FNDC3B: variants seen among roughly 807,000 people sequenced by gnomAD.
FNDC3B encodes the protein fibronectin type III domain containing 3B, also known as fibronectin type III domain-containing protein 3B.
Under a neutral mutation model 151.5 loss-of-function variants are expected in FNDC3B, and 12 were observed. The ratio of observed to expected loss-of-function variants is 0.08; its 90% confidence interval spans 0.05 to 0.13. FNDC3B has a LOEUF of 0.13. Ranked by LOEUF, FNDC3B falls within the 10% of genes least tolerant of loss-of-function variation. The pLI is 1.00. For missense variants in FNDC3B, 1,214 were observed against 1,505.3 expected, an observed-to-expected ratio of 0.81 and a Z score of 3.20; for synonymous variants, 528 against 549.0, an observed-to-expected ratio of 0.96 and a Z score of 0.54.
At chr3:172,326,006 A>G (rs1225572562) in intron 11 of FNDC3B, among the ~76,000 whole-genome samples, 2 of 152,074 alleles carry the variant, frequency 1.3e-5, no homozygotes, top group Admixed American at 1.3e-4. Flanking sequence ...TTGTATTTTT[A>G]GTAGAGACGG....
chr3:172,099,194 A>G lies in FNDC3B; in HGVS notation c.-28-13258A>G, dbSNP rs574678629. Among the ~76,000 whole-genome samples, 3 of 152,280 alleles carry G rather than the reference A, an allele frequency of 2.0e-5. No homozygotes were observed. The South Asian group carries it at 6.2e-4, about 32-fold the overall frequency. The stretch of plus-strand genomic sequence containing the variant: ...AGCTGTGGCATATTTTGATTTTGCT[A>G]ATTTGTTGCTCTAGGAACTGAATTT... On this transcript the variant is annotated intron_variant, in intron 1 of 25. Coordinates refer to ENST00000415807, the MANE Select transcript of FNDC3B (RefSeq NM_022763.4).
In FNDC3B at chr3:172,310,812, T is replaced by C; in HGVS notation, c.1201-16T>C. On this transcript the variant is annotated splice_polypyrimidine_tract_variant and intron_variant, in intron 10 of 25. Transcript: ENST00000415807. ...GTGAACAACTTTCTCTAATCTCATG[T>C]TACTATTTTTTTTAGGCACCAATTG... is the stretch of plus-strand genomic sequence containing the variant. The C allele has an allele frequency of 6.3e-7, 1 of 1,597,788 alleles. No homozygotes were observed. The highest frequency in any genetic ancestry group is 1.3e-5 in the African/African-American group (1 of 74,724).
chr3:172,135,255 ATGTGTGTGTG>A (rs144768382), intron 3 of FNDC3B, among the ~76,000 whole-genome samples: 1 of 150,256 alleles, frequency 6.7e-6, no homozygotes, highest in African/African-American at 2.4e-5. Context: ...GAGTGTGTGT[ATGTGTGTGTG>A]TGTGTGTATA....
At chr3:172,063,117 T>C (rs1717305237) in intron 1 of FNDC3B, among the ~76,000 whole-genome samples, 1 of 152,228 alleles carries the variant, frequency 6.6e-6, no homozygotes, top group Non-Finnish European at 1.5e-5. Flanking sequence ...TTTCGTTATA[T>C]ACTTTTGAAG....
chr3:172,212,603 T>A (rs940062120), intron 3 of FNDC3B, among the ~76,000 whole-genome samples: 9 of 152,198 alleles, frequency 5.9e-5, no homozygotes, highest in African/African-American at 2.2e-4. Flanking sequence ...TAACACCTGT[T>A]TTCTAGAATC....
At chr3:172,068,898 T>C (rs1359829881) in intron 1 of FNDC3B, among the ~76,000 whole-genome samples, 1 of 152,182 alleles carries the variant, frequency 6.6e-6, no homozygotes, top group Non-Finnish European at 1.5e-5. Flanking sequence ...ATTTCCACTT[T>C]GCCAGTGAAG....
intron 25 of FNDC3B, among the ~76,000 whole-genome samples, chr3:172,392,810 C>CTTTTTTTTTTTTTTTTTTTTTTTTTTT (rs1167627679): frequency 1.0e-5 from 1 of 99,872 alleles, no homozygotes; most frequent in Non-Finnish European, 1.9e-5. Flanking sequence ...TTTTTTTTTT[C>CTTTTTTTTTTTTTTTTTTTTTTTTTTT]TTTTTTTTTT....
At chr3:172,182,165 G>T (rs528267900) in intron 3 of FNDC3B, among the ~76,000 whole-genome samples, 1 of 152,284 alleles carries the variant, frequency 6.6e-6, no homozygotes, top group Admixed American at 6.5e-5. Flanking sequence ...AGGTAAGTTG[G>T]GAGAAATCCT....
intron 1 of FNDC3B, among the ~76,000 whole-genome samples, chr3:172,102,778 G>T (rs1719437756): frequency 6.6e-6 from 1 of 152,250 alleles, no homozygotes; most frequent in Non-Finnish European, 1.5e-5. Context: ...CCACCTCCCC[G>T]TGCAGATTAG....
intron 23 of FNDC3B, among the ~76,000 whole-genome samples, chr3:172,365,113 A>T (rs1009773652): frequency 1.2e-4 from 18 of 152,204 alleles, no homozygotes; most frequent in African/African-American, 4.3e-4. Context: ...ATCTTGGCAC[A>T]TGGGTATCAA....
chr3:172,117,723 G>A lies in FNDC3B; in HGVS notation c.111+5133G>A, dbSNP rs61153532. Reference sequence around the variant, plus strand: ...CTGAGGGTCAATTCCTAGTGGAACTGGATTGGATTAGATACCTCTTTGACC... The same window carrying A: ...CTGAGGGTCAATTCCTAGTGGAACTAGATTGGATTAGATACCTCTTTGACC... On this transcript the variant is annotated intron_variant, in intron 2 of 25. Transcript: ENST00000415807. Among the ~76,000 whole-genome samples, 437 of 152,298 alleles carry A rather than the reference G, an allele frequency of 2.9e-3. 4 individuals are homozygous for A. Among genetic ancestry groups the A allele is most frequent in the African/African-American group, 9.8e-3 (409 of 41,548 alleles).
chr3:172,057,484 C>T (rs1308279336), intron 1 of FNDC3B, among the ~76,000 whole-genome samples: 2 of 152,114 alleles, frequency 1.3e-5, no homozygotes, highest in South Asian at 4.1e-4. Flanking sequence ...CTAAACCTCA[C>T]CAACTTCTTG....
intron 4 of FNDC3B, among the ~76,000 whole-genome samples, chr3:172,245,476 A>G (rs1224137370): frequency 6.6e-6 from 1 of 151,774 alleles, no homozygotes; most frequent in African/African-American, 2.4e-5. Flanking sequence ...TTTTCTTAAT[A>G]GCTAGTAGAG....
At position 172,235,953 on chromosome 3, in the gene FNDC3B, G is replaced by A. The variant is rs143138042; in HGVS notation, c.264+9006G>A. Among the ~76,000 whole-genome samples the A allele has an allele frequency of 1.8e-3, 272 of 152,260 alleles. 2 individuals carry two copies. Among genetic ancestry groups the A allele is most frequent in the African/African-American group, 6.4e-3 (266 of 41,534 alleles). Reference sequence around the variant, plus strand: ...TGACTGGCCTTCCCTTCTGTGATGGGTAATGGACAGGTACTGCAGATGCCC... The same window carrying A: ...TGACTGGCCTTCCCTTCTGTGATGGATAATGGACAGGTACTGCAGATGCCC... On this transcript the variant is annotated intron_variant, in intron 4 of 25. Transcript: ENST00000415807.
intron 2 of FNDC3B, among the ~76,000 whole-genome samples, chr3:172,123,632 T>C (rs1720664295): frequency 6.6e-6 from 1 of 152,196 alleles, no homozygotes; most frequent in Non-Finnish European, 1.5e-5. Context: ...TAGGCCACAG[T>C]AATGCAGCTA....
chr3:172,214,565 AT>A (rs1192494277), intron 3 of FNDC3B, among the ~76,000 whole-genome samples: 2 of 146,518 alleles, frequency 1.4e-5, no homozygotes. Context: ...TATTTGGTTC[AT>A]TTTTTTTTCC....
intron 3 of FNDC3B, among the ~76,000 whole-genome samples, chr3:172,199,184 T>A (rs144445846): frequency 0.013 from 1,975 of 147,830 alleles, 55 homozygotes; most frequent in African/African-American, 0.047. Flanking sequence ...ATTTTATTTT[T>A]TATTTTTTTT....
intron 3 of FNDC3B, among the ~76,000 whole-genome samples, chr3:172,221,447 C>T (rs1461601551): frequency 1.1e-5 from 1 of 89,996 alleles, no homozygotes; most frequent in Admixed American, 1.1e-4. Context: ...ATCCATACCA[C>T]CTGGGACCTT....
At chr3:172,192,025 A>T (rs1447881577) in intron 3 of FNDC3B, among the ~76,000 whole-genome samples, 2 of 152,090 alleles carry the variant, frequency 1.3e-5, no homozygotes, top group Non-Finnish European at 2.9e-5. Flanking sequence ...TTCTCTTAAC[A>T]TAGCAATCTG....
Sources: allele counts gnomAD v4.1 joint callset (sites outside exome capture counted in the v4.1 genomes callset), GRCh38; gene constraint gnomAD v4.1.1; transcripts MANE v1.5; gene names NCBI Gene and HGNC (gene_info 2026-07-23, HGNC 2026-07-21).